The following TFAP2A variants were observed in gnomAD, a reference collection of about 807,000 sequenced individuals.
The protein encoded by TFAP2A is transcription factor AP-2 alpha, also known as transcription factor AP-2-alpha.
TFAP2A carries 7 observed loss-of-function variants against 41.5 expected under a neutral mutation model. That is an observed-to-expected ratio of 0.17 (90% CI 0.10 to 0.32). The LOEUF is 0.32. TFAP2A is among the 10% of genes least tolerant of loss of function. The pLI is 1.00. For missense variants in TFAP2A, 416 were observed against 563.3 expected (o/e 0.74, Z 2.65); for synonymous variants, 247 against 242.8 (o/e 1.02, Z -0.16).
Position 10,398,137 on chromosome 6 carries a change from C to A in TFAP2A, c.*280G>T. The A allele has an allele frequency of 7.2e-7, 1 of 1,389,408 alleles. No individual in the cohort carries two copies. The highest frequency in any genetic ancestry group is 9.3e-7 in the Non-Finnish European group (1 of 1,072,434). 86.1% of individuals were successfully genotyped at this position (1,389,408 alleles called of 1,614,324 possible). Reference sequence around the variant, plus strand: ...GAACTTTTCTCTGCTGGCTTCACGGCCTGTTCTGTTCTCTTAGGCTCCACA... The same window carrying A: ...GAACTTTTCTCTGCTGGCTTCACGGACTGTTCTGTTCTCTTAGGCTCCACA... On this transcript the variant is annotated 3_prime_UTR_variant, in exon 7 of 7. Transcript: ENST00000379613. The surrounding 1 kb of genome is among the most constrained non-coding windows in gnomAD (Gnocchi z 5.3).
Position 10,396,846 on chromosome 6 carries a change from G to GAT in TFAP2A, c.*1569_*1570dup, listed in dbSNP as rs1188398798. 1 of 152,584 alleles carries GAT rather than the reference G, an allele frequency of 6.6e-6. No individual in the cohort carries two copies. Among genetic ancestry groups the GAT allele is most frequent in the East Asian group, 1.9e-4 (1 of 5,200 alleles). 9.5% of individuals were successfully genotyped at this position (152,584 alleles called of 1,614,324 possible). A position where few individuals can be genotyped will look rare whatever the true frequency, so the allele number is the denominator to read the frequency against. On this transcript the variant is annotated 3_prime_UTR_variant, in exon 7 of 7. Transcript: ENST00000379613. ...TACAGACACAGTGGAATATCTAAAT[G>GAT]ATACCCTGCTCTGAACTCCAAGTTG...
intron 5 of TFAP2A, among the ~76,000 whole-genome samples, chr6:10,401,294 C>T (rs771809735): frequency 3.9e-5 from 6 of 152,196 alleles, no homozygotes; most frequent in Non-Finnish European, 5.9e-5. Context: ...CAAACCCAGA[C>T]GAACTCCACG....
intron 1 of TFAP2A, chr6:10,410,991 T>C (rs1757935622): frequency 6.5e-6 from 1 of 153,940 alleles, no homozygotes; most frequent in Non-Finnish European, 1.4e-5. Flanking sequence ...AGGTTTAAAA[T>C]AGAAAGATTC....
At chr6:10,414,060 A>T (rs1031614816) in intron 1 of TFAP2A, among the ~76,000 whole-genome samples, 1 of 152,018 alleles carries the variant, frequency 6.6e-6, no homozygotes, top group Non-Finnish European at 1.5e-5. Context: ...AGCTCAGGGG[A>T]CTCTGCGTTT....
At chr6:10,417,510 A>G (rs1758290791), upstream of TFAP2A, among the ~76,000 whole-genome samples, 2 of 152,280 alleles carry the variant, frequency 1.3e-5, no homozygotes, top group Non-Finnish European at 2.9e-5. Context: ...TTGCATGTCA[A>G]TGCTCCGGCG....
chr6:10,418,077 G>A (rs1255354885), upstream of TFAP2A: 1 of 152,266 alleles, frequency 6.6e-6, no homozygotes, highest in Non-Finnish European at 1.5e-5. Context: ...GGGTCAGGAA[G>A]GGAAAGGTGT....
chr6:10,407,137 C>T (rs192080045), intron 2 of TFAP2A: 8 of 451,410 alleles, frequency 1.8e-5, no homozygotes, highest in Admixed American at 1.1e-4. Context: ...AGTGTTGGAG[C>T]ACCTAATCAT....
chr6:10,416,805 C>T (rs999176131), upstream of TFAP2A: 3 of 152,280 alleles, frequency 2.0e-5, no homozygotes, highest in Non-Finnish European at 2.9e-5. Flanking sequence ...CAGCAAACTC[C>T]CCAAACCTAG....
rs1757730803 is a variant in TFAP2A, at chr6:10,406,661, G to A, written c.538+132C>T. The A allele has an allele frequency of 7.6e-6, 6 of 787,052 alleles. No homozygotes were observed. In the Admixed American group the frequency reaches 1.1e-4, roughly 14 times the overall value. 48.8% of individuals were successfully genotyped at this position (787,052 alleles called of 1,614,324 possible). On this transcript the variant is annotated intron_variant, in intron 3 of 6. Coordinates refer to ENST00000379613, the MANE Select transcript of TFAP2A (RefSeq NM_001372066.1). ...CTGATTATTTAAGCATTGCTGTTCT[G>A]TGCCTATCTATTTGCTAATTCTGAG... is the stretch of plus-strand genomic sequence containing the variant.
chr6:10,412,348 G>A, intron 1 of TFAP2A: 1 of 953,024 alleles, frequency 1.0e-6, no homozygotes, highest in South Asian at 4.8e-5. Flanking sequence ...AGAGAGCGCA[G>A]AGAGGGAGAA....
upstream of TFAP2A, among the ~76,000 whole-genome samples, chr6:10,417,737 A>G (rs1039683859): frequency 2.0e-5 from 3 of 152,118 alleles, no homozygotes; most frequent in Non-Finnish European, 2.9e-5. Context: ...GGCCCAGCCC[A>G]TCAGATTCGG....
chr6:10,400,371 G>A, intron 6 of TFAP2A, 77 bp downstream of exon 6: 2 of 1,583,112 alleles, frequency 1.3e-6, no homozygotes, highest in Non-Finnish European at 1.7e-6. Context: ...CAAGGGAGAA[G>A]GAAGAGCAAA....
chr6:10,406,726 T>C, intron 3 of TFAP2A, 67 bp downstream of exon 3: 1 of 1,365,888 alleles, frequency 7.3e-7, no homozygotes, highest in Non-Finnish European at 1.0e-6. Flanking sequence ...AACACATCTC[T>C]GCAAGTTCTT....
intron 1 of TFAP2A, chr6:10,411,758 C>G: frequency 6.7e-7 from 1 of 1,484,644 alleles, no homozygotes; most frequent in Non-Finnish European, 8.9e-7. Flanking sequence ...AGCGCGGGAG[C>G]CCGGCTCGGA....
chr6:10,409,042 A>G (rs1757836267), intron 2 of TFAP2A: 1 of 152,246 alleles, frequency 6.6e-6, no homozygotes, highest in Admixed American at 6.5e-5. Context: ...TTGTGAGGAA[A>G]CCATAAATAT....
intron 1 of TFAP2A, chr6:10,412,683 G>A (rs1011205362): frequency 5.8e-6 from 2 of 345,802 alleles, no homozygotes; most frequent in Non-Finnish European, 1.2e-5. Context: ...TCTCGGCGCG[G>A]CAGGCGCTTC....
chr6:10,402,724 G>C, intron 4 of TFAP2A, 114 bp from the exon 5 acceptor site: 1 of 831,020 alleles, frequency 1.2e-6, no homozygotes, highest in Non-Finnish European at 2.0e-6. Flanking sequence ...TGAGAAGCTT[G>C]GCCCCAAGAC....
upstream of TFAP2A, chr6:10,418,149 A>T (rs1169914596): frequency 6.6e-6 from 1 of 152,234 alleles, no homozygotes; most frequent in Non-Finnish European, 1.5e-5. Context: ...GTTTGTCTAA[A>T]CTTGCGGATG....
chr6:10,397,847 G>T lies in TFAP2A; in HGVS notation c.*570C>A, dbSNP rs548057203. The T allele has an allele frequency of 2.0e-5, 20 of 986,492 alleles. No homozygotes were observed. In the African/African-American group the frequency reaches 3.3e-4, roughly 16 times the overall value. The allele number at this position is 986,492 out of a possible 1,614,324, so 61.1% of individuals were successfully genotyped here. A position where few individuals can be genotyped will look rare whatever the true frequency, so the allele number is the denominator to read the frequency against. On this transcript the variant is annotated 3_prime_UTR_variant, in exon 7 of 7. Coordinates refer to ENST00000379613, the MANE Select transcript of TFAP2A (RefSeq NM_001372066.1). ...ACTTCTACAACTGAAGACATGACAT[G>T]GAACTTCGTGTATTTGTGTTCAAGT...
Sources: gnomAD v4.1 joint callset for allele counts (sites outside exome capture counted in the v4.1 genomes callset) on GRCh38, gnomAD v4.1.1 for gene constraint, Gnocchi (gnomAD v3.1) non-coding constraint, MANE v1.5 for transcripts, NCBI Gene and HGNC (gene_info 2026-07-23, HGNC 2026-07-21) for gene names.